The following IL18 variants were observed in gnomAD, a reference collection of about 807,000 sequenced individuals.
IL18 encodes the protein interleukin 18, also known as interleukin-18.
Under a neutral mutation model 14.2 loss-of-function variants are expected in IL18, and 8 were observed. The ratio of observed to expected loss-of-function variants is 0.56; its 90% CI spans 0.33 to 1.01. IL18 has a LOEUF of 1.01. Among genes scored for constraint, IL18 ranks in the 50% least tolerant of loss-of-function variants. IL18 has a pLI of 0.03. For synonymous variants in IL18, 67 were observed against 71.0 expected (o/e 0.94, Z 0.28); for missense variants, 166 against 231.1 (o/e 0.72, Z 1.83).
intron 5 of IL18, among the ~76,000 whole-genome samples, chr11:112,147,141 G>T (rs1866357951): frequency 1.3e-5 from 2 of 151,920 alleles, no homozygotes; most frequent in South Asian, 4.2e-4. Flanking sequence ...TGTTGGTCAG[G>T]CTGGTCTTGA....
At chr11:112,163,552 G>C (rs1296688885) in intron 1 of IL18, among the ~76,000 whole-genome samples, 1 of 151,788 alleles carries the variant, frequency 6.6e-6, no homozygotes, top group Non-Finnish European at 1.5e-5. Context: ...TATTAAACCA[G>C]TTAAAACACT....
chr11:112,154,387 A>G (rs182947558), intron 2 of IL18, among the ~76,000 whole-genome samples: 2 of 152,150 alleles, frequency 1.3e-5, no homozygotes, highest in Non-Finnish European at 2.9e-5. Context: ...TTAGCCAGGC[A>G]TGGTGGGATG....
intron 3 of IL18, chr11:112,153,269 T>A (rs1866478468): frequency 4.3e-6 from 1 of 235,146 alleles, no homozygotes; most frequent in Admixed American, 5.7e-5. Context: ...AATCCCTTTT[T>A]CCTATGCAAC....
intron 5 of IL18, among the ~76,000 whole-genome samples, chr11:112,144,949 T>A (rs1866309752): frequency 6.6e-6 from 1 of 152,258 alleles, no homozygotes; most frequent in African/African-American, 2.4e-5. Flanking sequence ...TAGTGCAGCA[T>A]GTCTATTTTG....
chr11:112,148,177 T>A lies in IL18; in HGVS notation c.360+426A>T, dbSNP rs545466568. Among the ~76,000 whole-genome samples, 3 of 152,364 alleles carry A rather than the reference T, an allele frequency of 2.0e-5. No individual in the cohort carries two copies. The East Asian group carries it at 5.8e-4, about 29-fold the overall frequency. On this transcript the variant is annotated intron_variant, in intron 5 of 5. Transcript: ENST00000280357. ...ACAACTAGGGATTAAAATATTATCA[T>A]AATTTACAAAGGTGTAGAAATATAG...
chr11:112,157,019 A>G (rs1866545930), intron 1 of IL18, among the ~76,000 whole-genome samples: 1 of 152,160 alleles, frequency 6.6e-6, no homozygotes, highest in Non-Finnish European at 1.5e-5. Context: ...CAACATTAAT[A>G]TTAAAAATCA....
At chr11:112,161,642 T>C (rs1866634613) in intron 1 of IL18, among the ~76,000 whole-genome samples, 1 of 152,030 alleles carries the variant, frequency 6.6e-6, no homozygotes, top group African/African-American at 2.4e-5. Flanking sequence ...CTACTAAAAA[T>C]ACAAAAATTA....
Position 112,143,784 on chromosome 11 carries a change from T to C in IL18, c.394A>G (p.Lys132Glu). Reference protein sequence around the residue: ...MNPPDNIKDTKSDIIFFQRSV... With the variant: ...MNPPDNIKDTESDIIFFQRSV... Reference sequence around the variant, plus strand: ...CTCTGAAAGAATATGATGTCACTTTTTGTATCCTTGATGTTATCAGGAGGA... The same window carrying C: ...CTCTGAAAGAATATGATGTCACTTTCTGTATCCTTGATGTTATCAGGAGGA... The change falls in exon 6 of 6, where the codon AAA becomes GAA. Residue 132 changes from lysine to glutamate, a missense_variant. Physicochemically the swap from Lys to Glu is moderately conservative, Grantham distance 56. Transcript: ENST00000280357. The C allele has an allele frequency of 6.2e-7, 1 of 1,611,224 alleles. No homozygotes were observed. Among genetic ancestry groups the C allele is most frequent in the Non-Finnish European group, 8.5e-7 (1 of 1,177,948 alleles).
At chr11:112,146,046 T>C (rs1269343482) in intron 5 of IL18, among the ~76,000 whole-genome samples, 3 of 151,026 alleles carry the variant, frequency 2.0e-5, no homozygotes, top group Non-Finnish European at 4.4e-5. Context: ...TTTTTTTTTT[T>C]TTTTTTTACA....
intron 5 of IL18, 57 bp downstream of exon 5, chr11:112,148,546 T>C: frequency 1.1e-6 from 1 of 920,836 alleles, no homozygotes; most frequent in Non-Finnish European, 1.5e-6. Context: ...AATGTTATAT[T>C]TCTAATTATA....
chr11:112,156,742 G>T (rs934515398), intron 1 of IL18, among the ~76,000 whole-genome samples: 1 of 151,272 alleles, frequency 6.6e-6, no homozygotes, highest in East Asian at 1.9e-4. Context: ...ACCATGCCTG[G>T]CCAACACATT....
intron 3 of IL18, among the ~76,000 whole-genome samples, chr11:112,151,644 C>A (rs2135315172): frequency 1.3e-5 from 2 of 152,312 alleles, no homozygotes; most frequent in Middle Eastern, 6.8e-3. Flanking sequence ...TTTCCATTCA[C>A]TGTTTCACTC....
chr11:112,149,818 C>T (rs1427341889), intron 4 of IL18, among the ~76,000 whole-genome samples: 2 of 152,140 alleles, frequency 1.3e-5, no homozygotes, highest in East Asian at 1.9e-4. Flanking sequence ...ACAGTTAATG[C>T]AATCACAATA....
chr11:112,159,987 A>G (rs1866602188), intron 1 of IL18, among the ~76,000 whole-genome samples: 1 of 152,220 alleles, frequency 6.6e-6, no homozygotes, highest in African/African-American at 2.4e-5. Flanking sequence ...CTCCACATAC[A>G]TAGTTCCAAT....
At chr11:112,154,839 TA>T (rs1866505463) in intron 2 of IL18, 135 bp downstream of exon 2, 1 of 590,736 alleles carries the variant, frequency 1.7e-6, no homozygotes, top group Non-Finnish European at 3.0e-6. Flanking sequence ...AGAGGTCCAC[TA>T]TTTTTTTAAG....
intron 1 of IL18, among the ~76,000 whole-genome samples, chr11:112,156,355 T>C (rs1186973826): frequency 1.3e-5 from 2 of 152,180 alleles, no homozygotes; most frequent in Non-Finnish European, 2.9e-5. Flanking sequence ...ACCCAGGCCT[T>C]ATTTGATAGT....
intron 1 of IL18, among the ~76,000 whole-genome samples, chr11:112,161,825 A>T (rs1436571938): frequency 2.0e-5 from 3 of 152,104 alleles, no homozygotes; most frequent in Non-Finnish European, 2.9e-5. Flanking sequence ...CAACAAACAT[A>T]CTACTAGATT....
chr11:112,153,587 T>C lies in IL18; in HGVS notation c.91+5A>G. On this transcript the variant is annotated splice_donor_5th_base_variant and intron_variant, in intron 3 of 5. Coordinates refer to ENST00000280357, the MANE Select transcript of IL18 (RefSeq NM_001562.4). ...CAAAGAAAAATAAATTCATTTCTAC[T>C]TTACCATCATCTTCAGCTAAGAGGG... is the stretch of plus-strand genomic sequence containing the variant. 2 of 1,552,754 alleles carry C rather than the reference T, an allele frequency of 1.3e-6. No homozygotes were observed. The highest frequency in any genetic ancestry group is 8.8e-7 in the Non-Finnish European group (1 of 1,136,624).
chr11:112,149,229 T>G (rs1258094881), intron 4 of IL18, among the ~76,000 whole-genome samples: 3 of 150,288 alleles, frequency 2.0e-5, no homozygotes, highest in Admixed American at 2.0e-4. Context: ...GAGGTGGAGG[T>G]TGTAGTGAGC....
Sources: gnomAD v4.1 joint callset for allele counts (sites outside exome capture counted in the v4.1 genomes callset) on GRCh38, gnomAD v4.1.1 for gene constraint, MANE v1.5 for transcripts, NCBI Gene and HGNC (gene_info 2026-07-23, HGNC 2026-07-21) for gene names.